NWD1: variants seen among roughly 807,000 people sequenced by gnomAD.
The protein encoded by NWD1 is NACHT and WD repeat domain containing 1, also known as NACHT domain- and WD repeat-containing protein 1.
A neutral mutation model predicts 135.1 loss-of-function variants in NWD1; 129 were observed. The observed-to-expected ratio is 0.96, with a 90% CI of 0.83 to 1.11. NWD1 has a LOEUF of 1.11. NWD1 is among the 50% of genes least tolerant of loss of function. The probability of loss-of-function intolerance (pLI) is 0.00; values close to 1 mark genes in which losing one functional copy is unlikely to be tolerated. For missense variants in NWD1, 1,740 were observed against 1,851.3 expected, an observed-to-expected ratio of 0.94 and a Z score of 1.10; for synonymous variants, 773 against 786.0, an observed-to-expected ratio of 0.98 and a Z score of 0.28.
chr19:16,773,314 T>A lies in NWD1; in HGVS notation c.2599T>A (p.Cys867Ser), dbSNP rs1287761066. The change falls in exon 11 of 19, where the codon TGT becomes AGT. Residue 867 changes from cysteine to serine, a missense_variant. By Grantham distance (112) the Cys-to-Ser change is moderately radical. Transcript: ENST00000524140. Reference protein sequence around the residue: ...GGPLRATLSGCHKGITAMAWG... With the variant: ...GGPLRATLSGSHKGITAMAWG... ...ACCCCTCCGGGCAACTCTCAGCGGC[T>A]GTCACAAAGGTGAGTCTCCCCAGCA... The A allele has an allele frequency of 6.2e-7, 1 of 1,612,200 alleles. No individual in the cohort carries two copies. The highest frequency in any genetic ancestry group is 8.5e-7 in the Non-Finnish European group (1 of 1,179,716).
In NWD1 at chr19:16,770,363, G is replaced by A. The variant is rs150265309; in HGVS notation, c.2411-2763G>A. 4.6e-5 allele frequency among the ~76,000 whole-genome samples: 7 copies of A among 152,230 alleles called. No individual in the cohort carries two copies. In the East Asian group the frequency reaches 1.2e-3, roughly 25 times the overall value. ...ATTCTTCTCTCTCCTCCCGCCTTGT[G>A]AAGAAGGGCGTGTTTGCTTCCCCTT... On this transcript the variant is annotated intron_variant, in intron 10 of 18. Transcript: ENST00000524140.
At chr19:16,802,775 C>T (rs756533259) in intron 17 of NWD1, among the ~76,000 whole-genome samples, 33 of 151,972 alleles carry the variant, frequency 2.2e-4, no homozygotes, top group African/African-American at 6.5e-4. Flanking sequence ...CCAAGGCAGG[C>T]GCATCATTTG....
chr19:16,744,346 C>T, intron 4 of NWD1, 75 bp from the exon 5 acceptor site: 1 of 1,355,146 alleles, frequency 7.4e-7, no homozygotes, highest in Non-Finnish European at 1.0e-6. Flanking sequence ...CACCGCACTC[C>T]AGCCTGGGCG....
In NWD1 at chr19:16,806,706, G is replaced by A. The variant is rs1331041348; in HGVS notation, c.3737-880G>A. On this transcript the variant is annotated intron_variant, in intron 17 of 18. Transcript: ENST00000524140. ...AGCCCGGGCAACAGAGTGAGACTCC[G>A]TCTCTTAATAAATAAATACATAAAT... is the stretch of plus-strand genomic sequence containing the variant. Among the ~76,000 whole-genome samples, 8 of 151,374 alleles carry A rather than the reference G, an allele frequency of 5.3e-5. No individual in the cohort carries two copies. The South Asian group carries it at 6.3e-4, about 12-fold the overall frequency.
intron 10 of NWD1, among the ~76,000 whole-genome samples, chr19:16,772,381 C>A (rs1246061586): frequency 6.6e-6 from 1 of 151,828 alleles, no homozygotes; most frequent in Non-Finnish European, 1.5e-5. Context: ...AATAAATAGC[C>A]AGGCGCGGTG....
chr19:16,780,462 A>G, intron 12 of NWD1, among the ~76,000 whole-genome samples: 1 of 152,248 alleles, frequency 6.6e-6, no homozygotes, highest in Non-Finnish European at 1.5e-5. Context: ...AGCCAAAGGC[A>G]GGGTTTCAAG....
intron 1 of NWD1, 95 bp downstream of exon 1, chr19:16,720,388 G>A (rs1454603508): frequency 6.6e-6 from 1 of 152,202 alleles, no homozygotes; most frequent in Non-Finnish European, 1.5e-5. Context: ...AGCCTCTCAG[G>A]AGGAGGTAGC....
chr19:16,773,212 C>T lies in NWD1; in HGVS notation c.2497C>T (p.Gln833Ter). ...AGCACTGGTGGGACAGCTATGCCAA[C>T]AGGCCCAGAGCTGGTTCCAGTTGTG... ...HPALVGQLCQ[Q>*]AQSWFQLCAH... The change falls in exon 11 of 19, where the codon CAG (glutamine) becomes TAG (stop). Residue 833 changes from glutamine to a stop codon, truncating the protein, a stop_gained. Transcript: ENST00000524140. LOFTEE classifies it high-confidence loss of function. The T allele has an allele frequency of 6.2e-7, 1 of 1,613,850 alleles. No individual in the cohort carries two copies. Among genetic ancestry groups the T allele is most frequent in the East Asian group, 2.2e-5 (1 of 44,872 alleles).
chr19:16,783,643 A>AG (rs907631524), intron 12 of NWD1, among the ~76,000 whole-genome samples: 10 of 150,112 alleles, frequency 6.7e-5, no homozygotes, highest in African/African-American at 2.4e-4. Context: ...TCAAAAAATA[A>AG]AAATAATAAA....
At position 16,740,642 on chromosome 19, in the gene NWD1, ATTTTT is replaced by A. The variant is rs1162769783; in HGVS notation, c.199-3761_199-3757del. 5.9e-4 allele frequency among the ~76,000 whole-genome samples: 67 copies of A among 112,954 alleles called. 1 individual carries two copies. The highest frequency in any genetic ancestry group is 5.1e-3 in the Middle Eastern group (1 of 196). The allele number at this position is 112,954 out of a possible 152,430, so 74.1% of individuals were successfully genotyped here. ...CGTGAGCCACTGCGCCCAGACTTCTATTTTTTTTTTTTTTTTTTTTTTGAGATGGA... is the reference window on the plus strand; with the variant it reads ...CGTGAGCCACTGCGCCCAGACTTCTATTTTTTTTTTTTTTTTTGAGATGGA... On this transcript the variant is annotated intron_variant, in intron 4 of 18. Transcript: ENST00000524140.
Position 16,742,353 on chromosome 19 carries a change from C to T in NWD1, c.199-2068C>T, listed in dbSNP as rs549541011. 9.0e-4 allele frequency among the ~76,000 whole-genome samples: 136 copies of T among 151,868 alleles called. 2 individuals are homozygous for T. The highest frequency in any genetic ancestry group is 2.9e-3 in the African/African-American group (119 of 41,434). ...TTGTGCCACTGCACTCCAGCCTGGG[C>T]GACAGAGGGAGATTCCATCTCAAAA... On this transcript the variant is annotated intron_variant, in intron 4 of 18. Transcript: ENST00000524140.
In NWD1 at chr19:16,779,227, T is replaced by G. The variant is rs530662365; in HGVS notation, c.2609-116T>G. 4.9e-6 allele frequency: 6 copies of G among 1,221,722 alleles called. No homozygotes were observed. The African/African-American group carries it at 8.9e-5, about 18-fold the overall frequency. The allele number at this position is 1,221,722 out of a possible 1,614,324, so 75.7% of individuals were successfully genotyped here. On this transcript the variant is annotated intron_variant, in intron 11 of 18. Coordinates refer to ENST00000524140, the MANE Select transcript of NWD1 (RefSeq NM_001007525.5). ...GTGCAGCTTTGGGCAAGGGACCAAA[T>G]CTCTCTGTGCCTCAGTTGTCTTATC...
chr19:16,722,314 G>A (rs1423653899), intron 1 of NWD1, among the ~76,000 whole-genome samples: 3 of 147,868 alleles, frequency 2.0e-5, no homozygotes, highest in South Asian at 2.1e-4. Context: ...TTTTTGAGAC[G>A]GTCTTGCTCT....
At position 16,815,542 on chromosome 19, in the gene NWD1, A is replaced by G; in HGVS notation, c.*503A>G. 1.9e-6 allele frequency: 1 copy of G among 525,330 alleles called. No individual in the cohort carries two copies. The highest frequency in any genetic ancestry group is 1.9e-5 in the African/African-American group (1 of 52,378). The allele number at this position is 525,330 out of a possible 1,614,324, so 32.5% of individuals were successfully genotyped here. Reference sequence around the variant, plus strand: ...GACTTGCCACCCCCAGGTTAGCAACATGGTGGCCAATATGCTGCTGTCTCC... The same window carrying G: ...GACTTGCCACCCCCAGGTTAGCAACGTGGTGGCCAATATGCTGCTGTCTCC... On this transcript the variant is annotated 3_prime_UTR_variant, in exon 19 of 19. Transcript: ENST00000524140.
At chr19:16,767,506 T>C (rs551693800) in intron 10 of NWD1, among the ~76,000 whole-genome samples, 4 of 152,216 alleles carry the variant, frequency 2.6e-5, no homozygotes, top group African/African-American at 9.6e-5. Context: ...TTCCAGCTAC[T>C]TGAGAGGCTG....
chr19:16,722,539 T>C (rs2122654101), intron 1 of NWD1, among the ~76,000 whole-genome samples: 1 of 151,988 alleles, frequency 6.6e-6, no homozygotes, highest in Admixed American at 6.6e-5. Flanking sequence ...TCCGCCCACC[T>C]TGGCCTCCCA....
chr19:16,778,623 C>T (rs1969746528), intron 11 of NWD1, among the ~76,000 whole-genome samples: 1 of 151,960 alleles, frequency 6.6e-6, no homozygotes, highest in Non-Finnish European at 1.5e-5. Flanking sequence ...ATTCTCTGGC[C>T]TCAGCCTCCC....
chr19:16,788,958 C>G (rs1355709839), intron 12 of NWD1, 24 bp from the exon 13 acceptor site: 1 of 1,584,196 alleles, frequency 6.3e-7, no homozygotes, highest in South Asian at 1.1e-5. Flanking sequence ...CTAATATACT[C>G]TCCCCTACCC....
intron 18 of NWD1, 81 bp downstream of exon 18, chr19:16,808,217 A>C: frequency 7.6e-7 from 1 of 1,308,942 alleles, no homozygotes; most frequent in Non-Finnish European, 1.1e-6. Context: ...CTAAGCACAC[A>C]CCATGGGCCA....
Sources: gnomAD v4.1 joint callset for allele counts (sites outside exome capture counted in the v4.1 genomes callset) on GRCh38, gnomAD v4.1.1 for gene constraint, MANE v1.5 for transcripts, NCBI Gene and HGNC (gene_info 2026-07-23, HGNC 2026-07-21) for gene names.